The following ST6GALNAC3 variants were observed in gnomAD, a reference collection of about 807,000 sequenced individuals.
The protein encoded by ST6GALNAC3 is ST6 N-acetylgalactosaminide alpha-2,6-sialyltransferase 3, also known as alpha-N-acetylgalactosaminide alpha-2,6-sialyltransferase 3.
ST6GALNAC3 carries 25 observed loss-of-function variants against 32.7 expected under a neutral mutation model. The ratio of observed to expected loss-of-function variants is 0.76; its 90% CI spans 0.56 to 1.07. The LOEUF (loss-of-function observed/expected upper bound fraction) is 1.07, where lower values mean the gene tolerates loss of function less well. Ranked by LOEUF, ST6GALNAC3 falls within the 50% of genes least tolerant of loss-of-function variation. The probability of loss-of-function intolerance (pLI) is 0.00; values close to 1 mark genes in which losing one functional copy is unlikely to be tolerated. For synonymous variants in ST6GALNAC3, 129 were observed against 133.1 expected, an observed-to-expected ratio of 0.97 and a Z score of 0.21; for missense variants, 355 against 382.4, an observed-to-expected ratio of 0.93 and a Z score of 0.60.
intron 3 of ST6GALNAC3, among the ~76,000 whole-genome samples, chr1:76,616,774 G>T (rs1356165158): frequency 4.6e-5 from 7 of 152,060 alleles, no homozygotes; most frequent in Non-Finnish European, 1.0e-4. Flanking sequence ...GGGTTGCTGG[G>T]GGTATCACTT....
chr1:76,416,705 A>G (rs1158107350), intron 3 of ST6GALNAC3, among the ~76,000 whole-genome samples: 1 of 137,750 alleles, frequency 7.3e-6, no homozygotes, highest in Non-Finnish European at 1.5e-5. Context: ...TCTGTTCACT[A>G]CAACCTCCGC....
chr1:76,589,804 T>C (rs1303759398), intron 3 of ST6GALNAC3, among the ~76,000 whole-genome samples: 1 of 151,802 alleles, frequency 6.6e-6, no homozygotes, highest in Non-Finnish European at 1.5e-5. Flanking sequence ...AGATACCTAA[T>C]GAGTTAGAAA....
intron 3 of ST6GALNAC3, among the ~76,000 whole-genome samples, chr1:76,531,214 G>A (rs1019042952): frequency 6.6e-5 from 10 of 152,154 alleles, no homozygotes; most frequent in Admixed American, 2.0e-4. Flanking sequence ...CTCTTGGGCC[G>A]CTCAGAAAAT....
chr1:76,409,073 G>A (rs959744113), intron 2 of ST6GALNAC3, among the ~76,000 whole-genome samples: 4 of 152,128 alleles, frequency 2.6e-5, no homozygotes, highest in Non-Finnish European at 4.4e-5. Flanking sequence ...GGTTGAGGAA[G>A]GGTCTTAAAT....
intron 2 of ST6GALNAC3, among the ~76,000 whole-genome samples, chr1:76,382,907 G>T (rs745904612): frequency 6.6e-6 from 1 of 152,050 alleles, no homozygotes; most frequent in Non-Finnish European, 1.5e-5. Flanking sequence ...ACTTCAAAAG[G>T]CTTCATGGAC....
chr1:76,394,864 G>A (rs1000708158), intron 2 of ST6GALNAC3, among the ~76,000 whole-genome samples: 5 of 152,180 alleles, frequency 3.3e-5, no homozygotes, highest in Non-Finnish European at 7.3e-5. Flanking sequence ...TTTCAGCAGT[G>A]ACTCAAGGAC....
At chr1:76,400,987 A>G (rs547716202) in intron 2 of ST6GALNAC3, among the ~76,000 whole-genome samples, 2 of 151,816 alleles carry the variant, frequency 1.3e-5, no homozygotes, top group Admixed American at 1.3e-4. Context: ...AATTTTCATT[A>G]TAAAATTTCC....
rs1649439969 is a variant in ST6GALNAC3 at position 76,634,343 on chromosome 1, T to C, written c.*5537T>C. 1 of 182,822 alleles carries C rather than the reference T, an allele frequency of 5.5e-6. No homozygotes were observed. Among genetic ancestry groups the C allele is most frequent in the Non-Finnish European group, 1.0e-5 (1 of 96,222 alleles). 11.3% of individuals were successfully genotyped at this position (182,822 alleles called of 1,614,324 possible). A position where few individuals can be genotyped will look rare whatever the true frequency, so the allele number is the denominator to read the frequency against. On this transcript the variant is annotated 3_prime_UTR_variant, in exon 5 of 5. Transcript: ENST00000328299. ...CTAATCTACAAAGTACTAATTTCCTTGTGTTTAGCTTTGTTGTCACTGTTA... is the reference window on the plus strand; with the variant it reads ...CTAATCTACAAAGTACTAATTTCCTCGTGTTTAGCTTTGTTGTCACTGTTA...
intron 2 of ST6GALNAC3, among the ~76,000 whole-genome samples, chr1:76,343,006 T>C (rs1648186324): frequency 6.6e-6 from 1 of 152,180 alleles, no homozygotes; most frequent in African/African-American, 2.4e-5. Flanking sequence ...GTAAATATTT[T>C]CTCTCATTTT....
intron 1 of ST6GALNAC3, among the ~76,000 whole-genome samples, chr1:76,276,701 A>C (rs1033906511): frequency 6.6e-6 from 1 of 152,202 alleles, no homozygotes; most frequent in Non-Finnish European, 1.5e-5. Context: ...GCATTGCCGA[A>C]TGAAACCATG....
intron 1 of ST6GALNAC3, among the ~76,000 whole-genome samples, chr1:76,312,712 A>G (rs1350106449): frequency 6.6e-6 from 1 of 152,186 alleles, no homozygotes; most frequent in Non-Finnish European, 1.5e-5. Flanking sequence ...TTGGCTTTCC[A>G]TCACCTAGCA....
At chr1:76,198,624 G>A (rs1027658760) in intron 1 of ST6GALNAC3, among the ~76,000 whole-genome samples, 1 of 152,144 alleles carries the variant, frequency 6.6e-6, no homozygotes, top group Non-Finnish European at 1.5e-5. Flanking sequence ...GGAGAGAGAG[G>A]AATCAAGTCT....
At chr1:76,233,581 G>T (rs1360957224) in intron 1 of ST6GALNAC3, among the ~76,000 whole-genome samples, 8 of 152,154 alleles carry the variant, frequency 5.3e-5, no homozygotes, top group Non-Finnish European at 1.0e-4. Flanking sequence ...TCCTAAATGG[G>T]CAGTCCCAAT....
At chr1:76,565,707 A>C (rs1665514751) in intron 3 of ST6GALNAC3, among the ~76,000 whole-genome samples, 1 of 152,206 alleles carries the variant, frequency 6.6e-6, no homozygotes, top group Non-Finnish European at 1.5e-5. Flanking sequence ...CCAGTTGTTC[A>C]AAACTATTGT....
chr1:76,601,554 A>G (rs138084175), intron 3 of ST6GALNAC3, among the ~76,000 whole-genome samples: 116 of 152,348 alleles, frequency 7.6e-4, no homozygotes, highest in Non-Finnish European at 1.4e-3. Flanking sequence ...ATTTAAACCT[A>G]TAGAACTCCT....
intron 1 of ST6GALNAC3, among the ~76,000 whole-genome samples, chr1:76,148,711 C>T (rs755416648): frequency 6.6e-6 from 1 of 152,186 alleles, no homozygotes; most frequent in South Asian, 2.1e-4. Context: ...TCTCCTGTCC[C>T]CAGGGGCCTC....
At position 76,347,609 on chromosome 1, in the gene ST6GALNAC3, C is replaced by G. The variant is rs565381087; in HGVS notation, c.213+33610C>G. On this transcript the variant is annotated intron_variant, in intron 2 of 4. Coordinates refer to ENST00000328299, the MANE Select transcript of ST6GALNAC3 (RefSeq NM_152996.4). ...TAATCTTGGCAAACCCTATCAGATACCTAGTTTCTGTGCTGCTACTCCTGA... is the reference window on the plus strand; with the variant it reads ...TAATCTTGGCAAACCCTATCAGATAGCTAGTTTCTGTGCTGCTACTCCTGA... 5.9e-5 allele frequency among the ~76,000 whole-genome samples: 9 copies of G among 152,104 alleles called. No homozygotes were observed. In the South Asian group the frequency reaches 1.0e-3, roughly 18 times the overall value.
At chr1:76,075,240 G>A (rs1286290625) in intron 1 of ST6GALNAC3, among the ~76,000 whole-genome samples, 1 of 152,202 alleles carries the variant, frequency 6.6e-6, no homozygotes, top group Non-Finnish European at 1.5e-5. Context: ...AGGGGCCACG[G>A]GGAGGGGTGG....
At chr1:76,197,727 G>A (rs1654285321) in intron 1 of ST6GALNAC3, among the ~76,000 whole-genome samples, 1 of 152,068 alleles carries the variant, frequency 6.6e-6, no homozygotes, top group African/African-American at 2.4e-5. Flanking sequence ...ATGACAAGAG[G>A]GTAGAAAGAT....
Sources: gnomAD v4.1 joint callset for allele counts (sites outside exome capture counted in the v4.1 genomes callset) on GRCh38, gnomAD v4.1.1 for gene constraint, MANE v1.5 for transcripts, NCBI Gene and HGNC (gene_info 2026-07-23, HGNC 2026-07-21) for gene names.